Variants in TNKS observed in about 807,000 individuals in gnomAD.
TNKS encodes the protein poly [ADP-ribose] polymerase tankyrase-1.
Under a neutral mutation model 135.8 loss-of-function variants are expected in TNKS, and 72 were observed. That is an observed-to-expected ratio of 0.53 (90% CI 0.44 to 0.64). The LOEUF is 0.64. TNKS is among the 30% of genes least tolerant of loss of function. TNKS has a pLI of 0.00. For missense variants in TNKS, 1,769 were observed against 1,674.0 expected (o/e 1.06, Z -0.99); for synonymous variants, 849 against 649.3 (o/e 1.31, Z -4.68).
intron 3 of TNKS, among the ~76,000 whole-genome samples, chr8:9,629,768 C>T (rs927695536): frequency 6.6e-6 from 1 of 152,198 alleles, no homozygotes; most frequent in African/African-American, 2.4e-5. Flanking sequence ...CTGCAACCTC[C>T]GCCTCCCCGG....
At chr8:9,635,410 A>G (rs1366384223) in intron 3 of TNKS, among the ~76,000 whole-genome samples, 1 of 152,150 alleles carries the variant, frequency 6.6e-6, no homozygotes, top group Non-Finnish European at 1.5e-5. Context: ...CTACTAATCA[A>G]TGTGGAGGGA....
chr8:9,680,890 A>G (rs894636677), intron 5 of TNKS, 90 bp downstream of exon 5: 21 of 899,166 alleles, frequency 2.3e-5, no homozygotes, highest in Non-Finnish European at 3.7e-5. Flanking sequence ...GTATACCTAC[A>G]TGGCTTTATT....
intron 22 of TNKS, among the ~76,000 whole-genome samples, chr8:9,764,236 G>T (rs10095004): frequency 1.3e-5 from 2 of 151,562 alleles, no homozygotes; most frequent in African/African-American, 4.9e-5. Flanking sequence ...CCCTTTAGTA[G>T]TACATTATAG....
At chr8:9,605,860 G>A (rs989044379) in intron 2 of TNKS, among the ~76,000 whole-genome samples, 1 of 151,976 alleles carries the variant, frequency 6.6e-6, no homozygotes, top group Admixed American at 6.6e-5. Flanking sequence ...TCTTACATAT[G>A]TGTTGCAAAT....
Position 9,748,193 on chromosome 8 carries a change from C to T in TNKS, c.2813C>T (p.Thr938Met), listed in dbSNP as rs756350259. 4.4e-5 allele frequency: 69 copies of T among 1,575,060 alleles called. No individual in the cohort carries two copies. The highest frequency in any genetic ancestry group is 1.8e-4 in the South Asian group (15 of 85,622). The change falls in exon 18 of 27, where the codon ACG becomes ATG. Residue 938 changes from threonine to methionine, a missense_variant. This residue lies in a region of TNKS where 722 missense variants were observed against 688.9 expected (regional missense o/e 1.05). Coordinates refer to ENST00000310430, the MANE Select transcript of TNKS (RefSeq NM_003747.3). Reference sequence around the variant, plus strand: ...ACCATGAAGAACCAGGAAGGCCAGACGCCTCTGGATCTGGCAACAGTAAGT... The same window carrying T: ...ACCATGAAGAACCAGGAAGGCCAGATGCCTCTGGATCTGGCAACAGTAAGT... ...DPTMKNQEGQ[T>M]PLDLATADDI...
At chr8:9,762,861 C>T (rs889610965) in intron 21 of TNKS, among the ~76,000 whole-genome samples, 2 of 149,912 alleles carry the variant, frequency 1.3e-5, no homozygotes, top group Non-Finnish European at 3.0e-5. Context: ...GCCGAGATCA[C>T]GTCACTGCAC....
intron 2 of TNKS, among the ~76,000 whole-genome samples, chr8:9,609,105 G>C (rs12679632): frequency 6.6e-6 from 1 of 151,874 alleles, no homozygotes; most frequent in Admixed American, 6.6e-5. Context: ...AGATCTTTCA[G>C]CTTGTATTTT....
chr8:9,761,445 G>T, intron 20 of TNKS, 71 bp from the exon 21 acceptor site: 1 of 1,496,854 alleles, frequency 6.7e-7, no homozygotes, highest in Admixed American at 1.9e-5. Flanking sequence ...AGCATTGAAG[G>T]CAATTGGAAA....
intron 26 of TNKS, chr8:9,772,511 G>A (rs1224862242): frequency 2.3e-6 from 1 of 436,534 alleles, no homozygotes; most frequent in African/African-American, 2.0e-5. Flanking sequence ...TAAAAGAAAG[G>A]CTGTGCTAAC....
At chr8:9,728,800 G>A (rs1420361596) in intron 13 of TNKS, among the ~76,000 whole-genome samples, 6 of 152,134 alleles carry the variant, frequency 3.9e-5, no homozygotes, top group East Asian at 3.9e-4. Flanking sequence ...GTGCATTTCC[G>A]TATAGAGTTG....
Position 9,765,762 on chromosome 8 carries a change from A to C in TNKS, c.3518A>C (p.Asn1173Thr), listed in dbSNP as rs1243250109. ...CHRQKEVSEE[N>T]HNHHNERMLF... The stretch of plus-strand genomic sequence containing the variant: ...CGACAGAAGGAAGTGTCTGAGGAGA[A>C]TCACAACCATCACAATGAGCGCATG... The change falls in exon 24 of 27, where the codon AAT becomes ACT. Residue 1173 changes from asparagine to threonine, a missense_variant. Transcript: ENST00000310430. 6.2e-7 allele frequency: 1 copy of C among 1,614,014 alleles called. No individual in the cohort carries two copies. The highest frequency in any genetic ancestry group is 8.5e-7 in the Non-Finnish European group (1 of 1,179,910).
At chr8:9,721,298 T>TTTTATATATATATATATATATATATA (rs140410610) in intron 12 of TNKS, among the ~76,000 whole-genome samples, 1 of 118,154 alleles carries the variant, frequency 8.5e-6, no homozygotes, top group Non-Finnish European at 1.8e-5. Context: ...AATAAATAAA[T>TTTTATATATATATATATATATATATA]TATATATATA....
chr8:9,741,616 G>A (rs889947012), intron 17 of TNKS: 4 of 446,368 alleles, frequency 9.0e-6, no homozygotes, highest in Admixed American at 8.3e-5. Flanking sequence ...GAGGATAAAG[G>A]AAAGTTAATT....
Position 9,632,629 on chromosome 8 carries a change from C to G in TNKS, c.994+16952C>G, listed in dbSNP as rs1440893020. Among the ~76,000 whole-genome samples the G allele has an allele frequency of 4.6e-5, 7 of 152,318 alleles. No individual in the cohort carries two copies. The South Asian group carries it at 1.4e-3, about 32-fold the overall frequency. Reference sequence around the variant, plus strand: ...GGTATAGCATTTCACCTCTACTTAGCTGTCACCTCTTTTCTACAGGTGCAT... The same window carrying G: ...GGTATAGCATTTCACCTCTACTTAGGTGTCACCTCTTTTCTACAGGTGCAT... On this transcript the variant is annotated intron_variant, in intron 3 of 26. Coordinates refer to ENST00000310430, the MANE Select transcript of TNKS (RefSeq NM_003747.3).
At chr8:9,634,955 ATCACGAGG>A (rs769796371) in intron 3 of TNKS, among the ~76,000 whole-genome samples, 2 of 151,828 alleles carry the variant, frequency 1.3e-5, no homozygotes, top group Non-Finnish European at 2.9e-5. Context: ...AGGCTGGTGG[ATCACGAGG>A]TCAGGAGATC....
intron 25 of TNKS, among the ~76,000 whole-genome samples, chr8:9,766,722 G>C (rs969555847): frequency 1.3e-5 from 2 of 152,098 alleles, no homozygotes; most frequent in Admixed American, 6.5e-5. Context: ...CTGATCTCAT[G>C]ATCTGCCCAC....
At chr8:9,639,229 C>G (rs564291085) in intron 3 of TNKS, among the ~76,000 whole-genome samples, 135 of 152,148 alleles carry the variant, frequency 8.9e-4, no homozygotes, top group African/African-American at 3.1e-3. Context: ...TTCAGGAAAA[C>G]TCGTTTATTT....
chr8:9,561,240 G>A (rs558539326), intron 1 of TNKS, among the ~76,000 whole-genome samples: 1 of 152,084 alleles, frequency 6.6e-6, no homozygotes, highest in African/African-American at 2.4e-5. Flanking sequence ...TTATCTTTTA[G>A]TGTGAAATCT....
intron 1 of TNKS, among the ~76,000 whole-genome samples, chr8:9,568,990 C>T (rs1421398892): frequency 6.6e-6 from 1 of 152,146 alleles, no homozygotes; most frequent in African/African-American, 2.4e-5. Flanking sequence ...TGAAGCTGTG[C>T]AGATATTCCA....
Sources: allele counts gnomAD v4.1 joint callset (sites outside exome capture counted in the v4.1 genomes callset), GRCh38; gene constraint gnomAD v4.1.1; regional missense constraint gnomAD v4.1.1; transcripts MANE v1.5; gene names NCBI Gene and HGNC (gene_info 2026-07-23, HGNC 2026-07-21).